The following LPP variants were observed in gnomAD, a reference collection of about 807,000 sequenced individuals.
LPP encodes LIM domain containing preferred translocation partner in lipoma, also known as lipoma-preferred partner.
In LPP, 38 loss-of-function variants were observed where a neutral mutation model predicts 60.4. The ratio of observed to expected loss-of-function variants is 0.63; its 90% CI spans 0.49 to 0.83. The LOEUF (loss-of-function observed/expected upper bound fraction) is 0.83, where lower values mean the gene tolerates loss of function less well. Ranked by LOEUF, LPP falls within the 40% of genes least tolerant of loss-of-function variation. LPP has a pLI of 0.00. For missense variants in LPP, 902 were observed against 783.6 expected (o/e 1.15, Z -1.80); for synonymous variants, 328 against 290.8 (o/e 1.13, Z -1.30).
At chr3:188,495,447 T>C (rs1809910525) in intron 5 of LPP, among the ~76,000 whole-genome samples, 1 of 151,934 alleles carries the variant, frequency 6.6e-6, no homozygotes, top group South Asian at 2.1e-4. Context: ...TGTTTAGATC[T>C]CATAATTGTC....
At position 188,629,711 on chromosome 3, in the gene LPP, C is replaced by T. The variant is rs527792727; in HGVS notation, c.1113+19867C>T. 3.3e-5 allele frequency among the ~76,000 whole-genome samples: 5 copies of T among 151,674 alleles called. No homozygotes were observed. The East Asian group carries it at 9.7e-4, about 29-fold the overall frequency. The stretch of plus-strand genomic sequence containing the variant: ...GTCAAACTACCAATATTATCTTTCA[C>T]AGAATTAGAAAAAAAAAATATTGTA... On this transcript the variant is annotated intron_variant, in intron 7 of 11. Transcript: ENST00000617246.
At chr3:188,593,141 C>G (rs1252450822) in intron 6 of LPP, among the ~76,000 whole-genome samples, 2 of 131,898 alleles carry the variant, frequency 1.5e-5, no homozygotes, top group African/African-American at 5.7e-5. Flanking sequence ...ATAGATTACA[C>G]CTCTGATGCC....
chr3:188,533,857 T>C (rs1822861226), intron 6 of LPP, among the ~76,000 whole-genome samples: 1 of 152,200 alleles, frequency 6.6e-6, no homozygotes, highest in African/African-American at 2.4e-5. Flanking sequence ...AGGCAATTAA[T>C]TTTTAGATGG....
intron 7 of LPP, among the ~76,000 whole-genome samples, chr3:188,701,431 A>G (rs952730938): frequency 2.0e-5 from 3 of 152,248 alleles, no homozygotes; most frequent in Admixed American, 2.0e-4. Flanking sequence ...ACATAGAAAG[A>G]ATATAAAGCA....
At chr3:188,669,078 T>A (rs1256275907) in intron 7 of LPP, among the ~76,000 whole-genome samples, 1 of 152,106 alleles carries the variant, frequency 6.6e-6, no homozygotes, top group Non-Finnish European at 1.5e-5. Flanking sequence ...AAGGAGCATG[T>A]GAACATATGA....
In LPP at chr3:188,572,581, T is replaced by A. The variant is rs752070340; in HGVS notation, c.430-36580T>A. On this transcript the variant is annotated intron_variant, in intron 6 of 11. Coordinates refer to ENST00000617246, the MANE Select transcript of LPP (RefSeq NM_001375462.1). The surrounding 1 kb of genome is among the most constrained non-coding windows in gnomAD (Gnocchi z 4.1). ...CTGTATCATTATGACTTACTGAATT[T>A]CATTCAGTAAATATTGCATGAAATT... is the stretch of plus-strand genomic sequence containing the variant. Among the ~76,000 whole-genome samples, 16 of 152,096 alleles carry A rather than the reference T, an allele frequency of 1.1e-4. No homozygotes were observed. The highest frequency in any genetic ancestry group is 2.2e-4 in the Non-Finnish European group (15 of 68,002).
At chr3:188,683,964 C>T (rs1470811998) in intron 7 of LPP, among the ~76,000 whole-genome samples, 1 of 152,188 alleles carries the variant, frequency 6.6e-6, no homozygotes, top group Non-Finnish European at 1.5e-5. Context: ...AGTCGGGAAA[C>T]CGGAGTGTTG....
chr3:188,401,968 T>C (rs929198442), intron 3 of LPP, among the ~76,000 whole-genome samples: 2 of 152,160 alleles, frequency 1.3e-5, no homozygotes, highest in Non-Finnish European at 2.9e-5. Flanking sequence ...GTAGCTTGTT[T>C]CAGAGGGAGC....
intron 5 of LPP, among the ~76,000 whole-genome samples, chr3:188,520,016 C>T: frequency 6.6e-6 from 1 of 152,068 alleles, no homozygotes; most frequent in East Asian, 1.9e-4. Flanking sequence ...ACACGCTGTA[C>T]ATTTTGGTTC....
chr3:188,641,466 G>T (rs759956690), intron 7 of LPP, among the ~76,000 whole-genome samples: 15 of 152,130 alleles, frequency 9.9e-5, no homozygotes, highest in Non-Finnish European at 2.2e-4. Flanking sequence ...AGTAAGAGAG[G>T]CAAGCACAGG....
At chr3:188,394,978 C>T (rs1355345795) in intron 3 of LPP, among the ~76,000 whole-genome samples, 1 of 152,126 alleles carries the variant, frequency 6.6e-6, no homozygotes, top group Non-Finnish European at 1.5e-5. Flanking sequence ...GCCTGTTTTT[C>T]ATACCATTTC....
chr3:188,255,929 G>A (rs1731515066), intron 2 of LPP, among the ~76,000 whole-genome samples: 1 of 152,046 alleles, frequency 6.6e-6, no homozygotes, highest in South Asian at 2.1e-4. Context: ...CATCACACTG[G>A]TTACCGTCAT....
intron 6 of LPP, among the ~76,000 whole-genome samples, chr3:188,569,926 A>G (rs546921421): frequency 2.0e-5 from 3 of 152,118 alleles, no homozygotes; most frequent in East Asian, 1.9e-4. Context: ...TAAAAAGTCC[A>G]TGCTCATTTG....
At chr3:188,477,018 A>C (rs184590212) in intron 4 of LPP, among the ~76,000 whole-genome samples, 1 of 152,348 alleles carries the variant, frequency 6.6e-6, no homozygotes, top group African/African-American at 2.4e-5. Context: ...CGCTTTATTA[A>C]TAGCTTCATA....
chr3:188,448,195 G>C (rs1043698065), intron 4 of LPP, among the ~76,000 whole-genome samples: 1 of 152,166 alleles, frequency 6.6e-6, no homozygotes, highest in African/African-American at 2.4e-5. Flanking sequence ...CTTGTTGGCA[G>C]ACGTCTTGGG....
chr3:188,419,714 A>G (rs1212545148), intron 4 of LPP, among the ~76,000 whole-genome samples: 9 of 151,872 alleles, frequency 5.9e-5, no homozygotes, highest in Admixed American at 5.9e-4. Context: ...ACATGGCAAA[A>G]CCCCGACTTT....
chr3:188,695,469 T>C (rs1863042757), intron 7 of LPP, among the ~76,000 whole-genome samples: 2 of 152,184 alleles, frequency 1.3e-5, no homozygotes, highest in African/African-American at 4.8e-5. Context: ...AGCTCATATT[T>C]GACAGACTGT....
intron 7 of LPP, among the ~76,000 whole-genome samples, chr3:188,667,493 C>A (rs1476259148): frequency 6.7e-6 from 1 of 149,768 alleles, no homozygotes; most frequent in South Asian, 2.1e-4. Context: ...AAAAAAACAT[C>A]TTTGGTAGCA....
intron 9 of LPP, among the ~76,000 whole-genome samples, chr3:188,859,805 A>AG (rs889632110): frequency 3.3e-5 from 5 of 152,172 alleles, no homozygotes; most frequent in African/African-American, 1.2e-4. Context: ...CTTCAGGGGT[A>AG]GGGGGGTGTG....
Sources: gnomAD v4.1 joint callset for allele counts (sites outside exome capture counted in the v4.1 genomes callset) on GRCh38, gnomAD v4.1.1 for gene constraint, Gnocchi (gnomAD v3.1) non-coding constraint, MANE v1.5 for transcripts, NCBI Gene and HGNC (gene_info 2026-07-23, HGNC 2026-07-21) for gene names.